The following TRPM3 variants were observed in gnomAD, a reference collection of about 807,000 sequenced individuals.
The protein encoded by TRPM3 is transient receptor potential cation channel subfamily M member 3.
TRPM3 carries 77 observed loss-of-function variants against 181.2 expected under a neutral mutation model. That is an observed-to-expected ratio of 0.42 (90% CI 0.35 to 0.51). TRPM3 has a LOEUF of 0.51. Ranked by LOEUF, TRPM3 falls within the 20% of genes least tolerant of loss-of-function variation. The pLI is 0.01. For missense variants in TRPM3, 1,759 were observed against 2,196.7 expected (o/e 0.80, Z 3.98); for synonymous variants, 745 against 796.4 (o/e 0.94, Z 1.09).
intron 1 of TRPM3, among the ~76,000 whole-genome samples, chr9:70,891,114 T>G (rs1367376552): frequency 6.6e-6 from 1 of 152,180 alleles, no homozygotes. Context: ...GGTACATGTA[T>G]ACATATGTAA....
chr9:71,296,006 C>G (rs4745081), intron 1 of TRPM3, among the ~76,000 whole-genome samples: 29,118 of 151,988 alleles, frequency 0.19, 2,987 homozygotes, highest in African/African-American at 0.25. Context: ...GGAGTCGATA[C>G]ATTCTCTTTC....
intron 1 of TRPM3, among the ~76,000 whole-genome samples, chr9:70,875,773 T>A (rs2095859089): frequency 6.6e-6 from 1 of 152,038 alleles, no homozygotes; most frequent in South Asian, 2.1e-4. Flanking sequence ...ATTATTTAAC[T>A]GGAGGAACTG....
chr9:71,241,268 C>T (rs2081651286), intron 1 of TRPM3, among the ~76,000 whole-genome samples: 1 of 152,152 alleles, frequency 6.6e-6, no homozygotes, highest in Non-Finnish European at 1.5e-5. Flanking sequence ...ACTGGCAAAG[C>T]TGCCTAAGCT....
intron 6 of TRPM3, among the ~76,000 whole-genome samples, chr9:70,820,731 C>T (rs1426564648): frequency 1.3e-5 from 2 of 152,082 alleles, no homozygotes; most frequent in East Asian, 1.9e-4. Flanking sequence ...CACAACGACT[C>T]CTTTAATCAC....
At chr9:70,669,230 A>T (rs1054430924) in intron 9 of TRPM3, among the ~76,000 whole-genome samples, 1 of 152,214 alleles carries the variant, frequency 6.6e-6, no homozygotes, top group African/African-American at 2.4e-5. Context: ...ACATCAGCAG[A>T]CACCTCTCAG....
In TRPM3 at chr9:70,589,901, G is replaced by T. The variant is rs192680124; in HGVS notation, c.3223+1130C>A. ...GAGGACTCACACTCTTTGCTGCCTT[G>T]TCCCTATTTTCCTGGTCTCAGTCCT... On this transcript the variant is annotated intron_variant, in intron 22 of 25. Coordinates refer to ENST00000677713, the MANE Select transcript of TRPM3 (RefSeq NM_001366145.2). Among the ~76,000 whole-genome samples, 5 of 152,252 alleles carry T rather than the reference G, an allele frequency of 3.3e-5. 1 individual carries two copies. The highest frequency in any genetic ancestry group is 3.3e-4 in the Admixed American group (5 of 15,290).
At chr9:71,266,322 T>C (rs2083389074) in intron 1 of TRPM3, among the ~76,000 whole-genome samples, 1 of 152,134 alleles carries the variant, frequency 6.6e-6, no homozygotes, top group Non-Finnish European at 1.5e-5. Context: ...GAGTAATTTT[T>C]ATATCATGAG....
intron 1 of TRPM3, among the ~76,000 whole-genome samples, chr9:71,330,561 C>T (rs1236281055): frequency 6.6e-6 from 1 of 151,798 alleles, no homozygotes; most frequent in Admixed American, 6.6e-5. Flanking sequence ...AATAAGAAAT[C>T]AAATTCTTAG....
intron 6 of TRPM3, among the ~76,000 whole-genome samples, chr9:70,823,405 C>G (rs2093337779): frequency 1.3e-5 from 2 of 152,160 alleles, no homozygotes; most frequent in Admixed American, 1.3e-4. Flanking sequence ...CAAGCTTTCC[C>G]CCGCTCCTCA....
chr9:70,860,220 G>A (rs1271206029), intron 3 of TRPM3, among the ~76,000 whole-genome samples: 1 of 152,128 alleles, frequency 6.6e-6, no homozygotes, highest in Non-Finnish European at 1.5e-5. Flanking sequence ...TTATAGATAA[G>A]AAAACTTGAG....
chr9:71,205,893 G>T (rs2079093415), intron 1 of TRPM3, among the ~76,000 whole-genome samples: 1 of 152,174 alleles, frequency 6.6e-6, no homozygotes, highest in South Asian at 2.1e-4. Flanking sequence ...CAGCACAAAT[G>T]AAAGTGTGAA....
At chr9:71,271,126 T>A (rs988925713) in intron 1 of TRPM3, among the ~76,000 whole-genome samples, 3 of 152,238 alleles carry the variant, frequency 2.0e-5, no homozygotes, top group African/African-American at 7.2e-5. Flanking sequence ...AATAATTTGT[T>A]GCACAGCAAT....
intron 1 of TRPM3, among the ~76,000 whole-genome samples, chr9:70,987,757 A>G (rs77712948): frequency 1.3e-5 from 2 of 152,130 alleles, no homozygotes; most frequent in African/African-American, 4.8e-5. Flanking sequence ...ACAATGATTA[A>G]TTCTCTGTTG....
intron 1 of TRPM3, among the ~76,000 whole-genome samples, chr9:71,239,048 C>G (rs749235826): frequency 1.3e-5 from 2 of 152,076 alleles, no homozygotes; most frequent in African/African-American, 2.4e-5. Flanking sequence ...AGATCACCTT[C>G]CCTACCTCCT....
chr9:70,647,839 G>A (rs116112439), intron 9 of TRPM3, among the ~76,000 whole-genome samples: 2,573 of 152,240 alleles, frequency 0.017, 84 homozygotes, highest in African/African-American at 0.057. Flanking sequence ...AACAACTTCA[G>A]TAAAGTTTCA....
At chr9:70,643,966 C>T (rs1042438572) in intron 9 of TRPM3, among the ~76,000 whole-genome samples, 2 of 152,082 alleles carry the variant, frequency 1.3e-5, no homozygotes, top group Admixed American at 1.3e-4. Context: ...GCATGAGGAC[C>T]GAGACATATA....
intron 1 of TRPM3, among the ~76,000 whole-genome samples, chr9:71,183,133 C>T (rs1235507588): frequency 1.3e-5 from 2 of 152,034 alleles, no homozygotes; most frequent in Non-Finnish European, 1.5e-5. Context: ...ATGTATTTTA[C>T]GTTATTCAAC....
Position 71,167,834 on chromosome 9 carries a change from C to T in TRPM3, c.183+278819G>A, listed in dbSNP as rs571749576. ...AATCCAGCAGCATTCTAGTTGCATT[C>T]TACAGAAGAAAATTTCAAAAATTAC... On this transcript the variant is annotated intron_variant, in intron 1 of 24. Coordinates refer to the TRPM3 transcript ENST00000357533. Among the ~76,000 whole-genome samples, 384 of 152,232 alleles carry T rather than the reference C, an allele frequency of 2.5e-3. 1 individual carries two copies. Among genetic ancestry groups the T allele is most frequent in the African/African-American group, 8.8e-3 (365 of 41,546 alleles).
chr9:71,146,291 G>T (rs1276945637), intron 1 of TRPM3, among the ~76,000 whole-genome samples: 16 of 152,116 alleles, frequency 1.1e-4, no homozygotes, highest in Admixed American at 1.0e-3. Context: ...TGCAGTTTCA[G>T]CCAAAGCCCC....
Sources: gnomAD v4.1 joint callset for allele counts (sites outside exome capture counted in the v4.1 genomes callset) on GRCh38, gnomAD v4.1.1 for gene constraint, MANE v1.5 for transcripts, NCBI Gene and HGNC (gene_info 2026-07-23, HGNC 2026-07-21) for gene names.